GJB4: variants seen among roughly 807,000 people sequenced by gnomAD.
GJB4 encodes gap junction beta-4 protein.
For missense variants in GJB4, 371 were observed against 363.8 expected, an observed-to-expected ratio of 1.02 and a Z score of -0.16; for synonymous variants, 162 against 158.1, an observed-to-expected ratio of 1.02 and a Z score of -0.18.
Position 34,761,545 on chromosome 1 carries a change from C to T in GJB4, c.291C>T (p.Tyr97=). The change falls in exon 2 of 2, where the codon TAC becomes TAT. Residue 97 remains tyrosine, a synonymous_variant. Transcript: ENST00000339480. The surrounding 1 kb of genome is among the most constrained non-coding windows in gnomAD (Gnocchi z 4.4). ...PSLLVVMHVA[Y]REERERKHHL... The stretch of plus-strand genomic sequence containing the variant: ...TGCTCGTGGTCATGCACGTGGCCTA[C>T]CGCGAGGAACGCGAGCGCAAGCACC... The T allele has an allele frequency of 1.2e-6, 2 of 1,614,182 alleles. No individual in the cohort carries two copies. The highest frequency in any genetic ancestry group is 1.7e-6 in the Non-Finnish European group (2 of 1,180,028).
chr1:34,761,791 G>A lies in GJB4; in HGVS notation c.537G>A (p.Arg179=). ...CPHTVDCYIS[R]PTEKKVFTYF... is the part of the protein sequence containing the mutation. ...ACACTGTGGACTGTTACATCTCCCG[G>A]CCCACGGAGAAGAAGGTCTTCACCT... is the stretch of plus-strand genomic sequence containing the variant. The change falls in exon 2 of 2, where the codon CGG becomes CGA. Residue 179 remains arginine (R), a synonymous_variant. Coordinates refer to ENST00000339480, the MANE Select transcript of GJB4 (RefSeq NM_153212.3). This position sits in a 1 kb window ranked among gnomAD's most constrained non-coding sequence, Gnocchi z 4.4. 6.2e-7 allele frequency: 1 copy of A among 1,614,100 alleles called. No homozygotes were observed. Among genetic ancestry groups the A allele is most frequent in the Non-Finnish European group, 8.5e-7 (1 of 1,180,046 alleles).
At position 34,762,039 on chromosome 1, in the gene GJB4, C is replaced by G. The variant is rs538347700; in HGVS notation, c.785C>G (p.Ala262Gly). ...AAGGCTGGGTCGGCCCCAGTGGATG[C>G]AGGTGGGTATCCATAACCTGCGAGA... is the stretch of plus-strand genomic sequence containing the variant. Reference protein sequence around the residue: ...LMKAGSAPVDAGGYP With the variant: ...LMKAGSAPVDGGGYP Residue 262 changes from alanine to glycine, a missense_variant, in exon 2 of 2, where the codon GCA (alanine) becomes GGA (glycine). Transcript: ENST00000339480. The G allele has an allele frequency of 1.2e-6, 2 of 1,613,126 alleles. No individual in the cohort carries two copies. Among genetic ancestry groups the G allele is most frequent in the African/African-American group, 2.7e-5 (2 of 75,054 alleles).
chr1:34,761,492 C>A lies in GJB4; in HGVS notation c.238C>A (p.Gln80Lys). 1.2e-6 allele frequency: 2 copies of A among 1,614,178 alleles called. No homozygotes were observed. Among genetic ancestry groups the A allele is most frequent in the Non-Finnish European group, 1.7e-6 (2 of 1,180,022 alleles). Residue 80 changes from glutamine (Q) to lysine (K), a missense_variant, in exon 2 of 2, where the codon CAG (glutamine) becomes AAG (lysine). By Grantham distance (53) the Gln-to-Lys change is moderately conservative. Coordinates refer to ENST00000339480, the MANE Select transcript of GJB4 (RefSeq NM_153212.3). This position sits in a 1 kb window ranked among gnomAD's most constrained non-coding sequence, Gnocchi z 4.4. ...GTCCCACGTGCGCCTCTGGGCCCTA[C>A]AGCTCATCCTGGTCACGTGCCCCTC... Reference protein sequence around the residue: ...PVSHVRLWALQLILVTCPSLL... With the variant: ...PVSHVRLWALKLILVTCPSLL...
rs148686980 is a variant in GJB4, at chr1:34,761,349, G to A, written c.95G>A (p.Arg32His). 2.8e-5 allele frequency: 45 copies of A among 1,613,914 alleles called. No homozygotes were observed. Among genetic ancestry groups the A allele is most frequent in the Admixed American group, 1.7e-4 (10 of 60,014 alleles). ...RIWLSVVFIF[R>H]VLVYVVAAEE... Reference sequence around the variant, plus strand: ...TGGCTGTCTGTGGTGTTCATCTTTCGTGTGCTGGTGTACGTGGTGGCAGCG... The same window carrying A: ...TGGCTGTCTGTGGTGTTCATCTTTCATGTGCTGGTGTACGTGGTGGCAGCG... Residue 32 changes from arginine to histidine, a missense_variant, in exon 2 of 2, where the codon CGT becomes CAT. Physicochemically the swap from Arg to His is conservative, Grantham distance 29. Coordinates refer to ENST00000339480, the MANE Select transcript of GJB4 (RefSeq NM_153212.3). This position sits in a 1 kb window ranked among gnomAD's most constrained non-coding sequence, Gnocchi z 4.4.
rs1350677923 is a variant in GJB4, at chr1:34,762,288, G to A, written c.*233G>A. ...ACTGGGGATTTTGTATATGGCAACA[G>A]TATATGTCAAACCTCTTAATAAATA... is the stretch of plus-strand genomic sequence containing the variant. On this transcript the variant is annotated 3_prime_UTR_variant, in exon 2 of 2. Transcript: ENST00000339480. 2 of 608,576 alleles carry A rather than the reference G, an allele frequency of 3.3e-6. No individual in the cohort carries two copies. The highest frequency in any genetic ancestry group is 1.9e-5 in the African/African-American group (1 of 53,908). 37.7% of individuals were successfully genotyped at this position (608,576 alleles called of 1,614,324 possible).
In GJB4 at chr1:34,761,749, C is replaced by A. The variant is rs147912521; in HGVS notation, c.495C>A (p.Ser165=). 1.9e-6 allele frequency: 3 copies of A among 1,614,008 alleles called. No homozygotes were observed. Among genetic ancestry groups the A allele is most frequent in the Non-Finnish European group, 2.5e-6 (3 of 1,180,030 alleles). Residue 165 remains serine (S), a synonymous_variant, in exon 2 of 2, where the codon TCC becomes TCA. Coordinates refer to ENST00000339480, the MANE Select transcript of GJB4 (RefSeq NM_153212.3). This position sits in a 1 kb window ranked among gnomAD's most constrained non-coding sequence, Gnocchi z 4.4. ...ACATGCCCCGCGTGGTGGCCTGCTC[C>A]GTGGAGCCTTGCCCCCACACTGTGG... ...DYDMPRVVAC[S]VEPCPHTVDC...
In GJB4 at chr1:34,761,624, C is replaced by G. The variant is rs373126632; in HGVS notation, c.370C>G (p.Arg124Gly). Reference sequence around the variant, plus strand: ...CCTGTACGACAACCTGAGCAAGAAGCGGGGCGGACTGTGGTGGACGTACTT... The same window carrying G: ...CCTGTACGACAACCTGAGCAAGAAGGGGGGCGGACTGTGGTGGACGTACTT... ...PSLYDNLSKK[R>G]GGLWWTYLLS... is the part of the protein sequence containing the mutation. Residue 124 changes from arginine (R) to glycine (G), a missense_variant, in exon 2 of 2, where the codon CGG becomes GGG. Physicochemically the swap from Arg to Gly is moderately radical, Grantham distance 125 (BLOSUM62 -2). Transcript: ENST00000339480. The surrounding 1 kb of genome is among the most constrained non-coding windows in gnomAD (Gnocchi z 4.4). 1 of 1,614,224 alleles carries G rather than the reference C, an allele frequency of 6.2e-7. No homozygotes were observed. The highest frequency in any genetic ancestry group is 1.1e-5 in the South Asian group (1 of 91,090).
At position 34,761,997 on chromosome 1, in the gene GJB4, G is replaced by A. The variant is rs1363225216; in HGVS notation, c.743G>A (p.Gly248Glu). 6.2e-7 allele frequency: 1 copy of A among 1,614,202 alleles called. No individual in the cohort carries two copies. Among genetic ancestry groups the A allele is most frequent in the Admixed American group, 1.7e-5 (1 of 60,020 alleles). The change falls in exon 2 of 2, where the codon GGG becomes GAG. Residue 248 changes from glycine to glutamate, a missense_variant. Coordinates refer to ENST00000339480, the MANE Select transcript of GJB4 (RefSeq NM_153212.3). This position sits in a 1 kb window ranked among gnomAD's most constrained non-coding sequence, Gnocchi z 4.4. ...TCCCAGGGAGGGCACCCTGAGGATG[G>A]GAACTCTGTCCTAATGAAGGCTGGG... is the stretch of plus-strand genomic sequence containing the variant. ...VLSQGGHPED[G>E]NSVLMKAGSA...
At position 34,761,328 on chromosome 1, in the gene GJB4, T is replaced by C. The variant is rs1237536525; in HGVS notation, c.74T>C (p.Leu25Pro). Reference protein sequence around the residue: ...KYSTVLSRIWLSVVFIFRVLV... With the variant: ...KYSTVLSRIWPSVVFIFRVLV... ...TCCACAGTGCTGAGCCGCATCTGGC[T>C]GTCTGTGGTGTTCATCTTTCGTGTG... Residue 25 changes from leucine (L) to proline (P), a missense_variant, in exon 2 of 2, where the codon CTG becomes CCG. Transcript: ENST00000339480. This position sits in a 1 kb window ranked among gnomAD's most constrained non-coding sequence, Gnocchi z 4.4. 1 of 1,614,080 alleles carries C rather than the reference T, an allele frequency of 6.2e-7. No individual in the cohort carries two copies. Among genetic ancestry groups the C allele is most frequent in the African/African-American group, 1.3e-5 (1 of 75,044 alleles).
intron 1 of GJB4, among the ~76,000 whole-genome samples, chr1:34,760,431 G>T (rs1639689773): frequency 6.6e-6 from 1 of 152,182 alleles, no homozygotes; most frequent in Non-Finnish European, 1.5e-5. Context: ...TCCAGACCAT[G>T]CCAGAATCCA....
At chr1:34,760,779 G>T (rs1639695455) in intron 1 of GJB4, among the ~76,000 whole-genome samples, 154 bp from the exon 2 acceptor site, 1 of 152,288 alleles carries the variant, frequency 6.6e-6, no homozygotes, top group South Asian at 2.1e-4. Context: ...CTCCTGCCCT[G>T]GCCCAGCCCT....
chr1:34,761,790 G>T lies in GJB4; in HGVS notation c.536G>T (p.Arg179Leu). Reference protein sequence around the residue: ...CPHTVDCYISRPTEKKVFTYF... With the variant: ...CPHTVDCYISLPTEKKVFTYF... ...CACACTGTGGACTGTTACATCTCCC[G>T]GCCCACGGAGAAGAAGGTCTTCACC... Residue 179 changes from arginine (R) to leucine (L), a missense_variant, in exon 2 of 2, where the codon CGG becomes CTG. Coordinates refer to ENST00000339480, the MANE Select transcript of GJB4 (RefSeq NM_153212.3). The surrounding 1 kb of genome is among the most constrained non-coding windows in gnomAD (Gnocchi z 4.4). The T allele has an allele frequency of 6.2e-7, 1 of 1,614,052 alleles. No homozygotes were observed.
rs752939052 is a variant in GJB4, at chr1:34,761,862, G to A, written c.608G>A (p.Ser203Asn). Residue 203 changes from serine (S) to asparagine (N), a missense_variant, in exon 2 of 2, where the codon AGT becomes AAT. By Grantham distance (46) the Ser-to-Asn change is conservative. Coordinates refer to ENST00000339480, the MANE Select transcript of GJB4 (RefSeq NM_153212.3). This position sits in a 1 kb window ranked among gnomAD's most constrained non-coding sequence, Gnocchi z 4.4. ...TAAICILLNL[S>N]EVFYLVGKRC... ...GCCATCTGCATCCTGCTCAACCTCA[G>A]TGAAGTCTTCTACCTGGTGGGCAAG... The A allele has an allele frequency of 8.1e-6, 13 of 1,614,068 alleles. No individual in the cohort carries two copies. The Admixed American group carries it at 1.2e-4, about 14-fold the overall frequency.
rs771772039 is a variant in GJB4 at position 34,761,293 on chromosome 1, G to A, written c.39G>A (p.Val13=). The A allele has an allele frequency of 8.1e-6, 13 of 1,614,190 alleles. No homozygotes were observed. In the South Asian group the frequency reaches 1.4e-4, roughly 18 times the overall value. The change falls in exon 2 of 2, where the codon GTG becomes GTA. Residue 13 remains valine, a synonymous_variant. Coordinates refer to ENST00000339480, the MANE Select transcript of GJB4 (RefSeq NM_153212.3). The surrounding 1 kb of genome is among the most constrained non-coding windows in gnomAD (Gnocchi z 4.4). ...TTCTGCAGGGCCTGCTGAGTGGCGT[G>A]AACAAGTACTCCACAGTGCTGAGCC... ...WAFLQGLLSG[V]NKYSTVLSRI...
rs771683313 is a variant in GJB4 at position 34,762,186 on chromosome 1, G to A, written c.*131G>A. The A allele has an allele frequency of 3.9e-5, 35 of 904,598 alleles. No individual in the cohort carries two copies. The highest frequency in any genetic ancestry group is 8.3e-5 in the African/African-American group (5 of 60,552). The allele number at this position is 904,598 out of a possible 1,614,324, so 56.0% of individuals were successfully genotyped here. ...GTGGCTGTGGGGGCTCAGGAAGCTC[G>A]CCCAGGGGCCAATGTGGGAGGTTGG... is the stretch of plus-strand genomic sequence containing the variant. On this transcript the variant is annotated 3_prime_UTR_variant, in exon 2 of 2. Transcript: ENST00000339480.
Position 34,761,865 on chromosome 1 carries a change from A to G in GJB4, c.611A>G (p.Glu204Gly). 6.2e-7 allele frequency: 1 copy of G among 1,614,072 alleles called. No homozygotes were observed. The highest frequency in any genetic ancestry group is 8.5e-7 in the Non-Finnish European group (1 of 1,180,024). The change falls in exon 2 of 2, where the codon GAA becomes GGA. Residue 204 changes from glutamate (E) to glycine (G), a missense_variant. Transcript: ENST00000339480. This position sits in a 1 kb window ranked among gnomAD's most constrained non-coding sequence, Gnocchi z 4.4. Reference sequence around the variant, plus strand: ...ATCTGCATCCTGCTCAACCTCAGTGAAGTCTTCTACCTGGTGGGCAAGAGG... The same window carrying G: ...ATCTGCATCCTGCTCAACCTCAGTGGAGTCTTCTACCTGGTGGGCAAGAGG... Reference protein sequence around the residue: ...AAICILLNLSEVFYLVGKRCM... With the variant: ...AAICILLNLSGVFYLVGKRCM...
In GJB4 at chr1:34,760,107, G is replaced by T. The variant is rs563466690; in HGVS notation, c.-323+319G>T. On this transcript the variant is annotated intron_variant, in intron 1 of 1. Transcript: ENST00000339480. ...GAGGTGAAGAGCCTGCCCTCTAGCA[G>T]CTGACAGCCTGGCAAAAAAATAAGA... Among the ~76,000 whole-genome samples the T allele has an allele frequency of 2.8e-4, 43 of 152,318 alleles. 1 individual carries two copies. The highest frequency in any genetic ancestry group is 1.0e-3 in the African/African-American group (42 of 41,552).
rs201339671 is a variant in GJB4 at position 34,761,783 on chromosome 1, A to T, written c.529A>T (p.Ile177Phe). The part of the protein sequence containing the change: ...EPCPHTVDCY[I>F]SRPTEKKVFT... ...TTGCCCCCACACTGTGGACTGTTACATCTCCCGGCCCACGGAGAAGAAGGT... is the reference window on the plus strand; with the variant it reads ...TTGCCCCCACACTGTGGACTGTTACTTCTCCCGGCCCACGGAGAAGAAGGT... Residue 177 changes from isoleucine to phenylalanine, a missense_variant, in exon 2 of 2, where the codon ATC (isoleucine) becomes TTC (phenylalanine). Coordinates refer to ENST00000339480, the MANE Select transcript of GJB4 (RefSeq NM_153212.3). The surrounding 1 kb of genome is among the most constrained non-coding windows in gnomAD (Gnocchi z 4.4). 1 of 1,613,936 alleles carries T rather than the reference A, an allele frequency of 6.2e-7. No individual in the cohort carries two copies. Among genetic ancestry groups the T allele is most frequent in the Non-Finnish European group, 8.5e-7 (1 of 1,180,014 alleles).
Position 34,761,675 on chromosome 1 carries a change from G to A in GJB4, c.421G>A (p.Val141Met), listed in dbSNP as rs142189692. 113 of 1,614,204 alleles carry A rather than the reference G, an allele frequency of 7.0e-5. No individual in the cohort carries two copies. The African/African-American group carries it at 7.6e-4, about 11-fold the overall frequency. ...GCTGAGCCTCATCTTCAAGGCCGCC[G>A]TGGATGCTGGCTTCCTCTATATCTT... ...YLLSLIFKAA[V>M]DAGFLYIFHR... The change falls in exon 2 of 2, where the codon GTG (valine) becomes ATG (methionine). Residue 141 changes from valine to methionine, a missense_variant. Physicochemically the swap from Val to Met is conservative, Grantham distance 21. Coordinates refer to ENST00000339480, the MANE Select transcript of GJB4 (RefSeq NM_153212.3). The surrounding 1 kb of genome is among the most constrained non-coding windows in gnomAD (Gnocchi z 4.4).
Sources: gnomAD v4.1 joint callset for allele counts (sites outside exome capture counted in the v4.1 genomes callset) on GRCh38, gnomAD v4.1.1 for gene constraint, Gnocchi (gnomAD v3.1) non-coding constraint, MANE v1.5 for transcripts, NCBI Gene and HGNC (gene_info 2026-07-23, HGNC 2026-07-21) for gene names.